Variants in QARS1 observed in about 807,000 individuals in gnomAD.
QARS1 encodes glutaminyl-tRNA synthetase 1, also known as glutamine--tRNA ligase.
A neutral mutation model predicts 106.9 loss-of-function variants in QARS1; 79 were observed. That is an observed-to-expected ratio of 0.74 (90% CI 0.62 to 0.89). QARS1 has a LOEUF of 0.89. QARS1 is among the 40% of genes least tolerant of loss of function. The pLI, the probability that QARS1 is intolerant of heterozygous loss-of-function variation, is 0.00. For missense variants in QARS1, 966 were observed against 997.2 expected, an observed-to-expected ratio of 0.97 and a Z score of 0.42; for synonymous variants, 395 against 367.7, an observed-to-expected ratio of 1.07 and a Z score of -0.85.
In QARS1 at chr3:49,104,730, C is replaced by T. The variant is rs1375795727; in HGVS notation, c.4G>A (p.Ala2Thr). The stretch of plus-strand genomic sequence containing the variant: ...AAGAGCGACAGGGAGTCTAGAGCCG[C>T]CATTGCAGAGACACCGGAAACTAAA... M[A>T]ALDSLSLFTS... The change falls in exon 1 of 24, where the codon GCG (alanine) becomes ACG (threonine). Residue 2 changes from alanine (A) to threonine (T), a missense_variant. Physicochemically the swap from Ala to Thr is moderately conservative, Grantham distance 58 (BLOSUM62 0). Transcript: ENST00000306125. 8 of 1,612,450 alleles carry T rather than the reference C, an allele frequency of 5.0e-6. No homozygotes were observed. The highest frequency in any genetic ancestry group is 5.9e-6 in the Non-Finnish European group (7 of 1,179,052).
intron 5 of QARS1, 93 bp from the exon 6 acceptor site, chr3:49,102,565 T>C: frequency 7.0e-7 from 1 of 1,420,130 alleles, no homozygotes; most frequent in South Asian, 1.2e-5. Flanking sequence ...CTTCCTGGCC[T>C]ATCTACCAGC....
chr3:49,103,795 G>A, intron 3 of QARS1, 68 bp downstream of exon 3: 1 of 1,597,214 alleles, frequency 6.3e-7, no homozygotes, highest in South Asian at 1.1e-5. Flanking sequence ...TTCCTGAGGA[G>A]GGAAACTGAG....
At chr3:49,102,613 T>G (rs1404831423) in intron 5 of QARS1, 141 bp from the exon 6 acceptor site, 13 of 824,338 alleles carry the variant, frequency 1.6e-5, no homozygotes, top group Non-Finnish European at 2.6e-5. Flanking sequence ...TCCCATCTCT[T>G]CTCATGTGGG....
At position 49,098,010 on chromosome 3, in the gene QARS1, T is replaced by C. The variant is rs2042413289; in HGVS notation, c.2259A>G (p.Pro753=). 1.9e-6 allele frequency: 3 copies of C among 1,614,230 alleles called. No individual in the cohort carries two copies. Among genetic ancestry groups the C allele is most frequent in the Non-Finnish European group, 2.5e-6 (3 of 1,180,040 alleles). The change falls in exon 23 of 24, where the codon CCA becomes CCG. Residue 753 remains proline, a synonymous_variant. Transcript: ENST00000306125. Reference sequence around the variant, plus strand: ...CAAGCACCTTTCCCTGATGGCTGTCTGGATCCACGGAGAAATATCCAAGAC... The same window carrying C: ...CAAGCACCTTTCCCTGATGGCTGTCCGGATCCACGGAGAAATATCCAAGAC... ...FERLGYFSVD[P]DSHQGKLVFN...
Position 49,098,014 on chromosome 3 carries a change from T to C in QARS1, c.2255A>G (p.Asp752Gly). 6.2e-7 allele frequency: 1 copy of C among 1,614,172 alleles called. No homozygotes were observed. The highest frequency in any genetic ancestry group is 8.5e-7 in the Non-Finnish European group (1 of 1,180,036). Residue 752 changes from aspartate (D) to glycine (G), a missense_variant, in exon 23 of 24, where the codon GAT (aspartate) becomes GGT (glycine). By Grantham distance (94) the Asp-to-Gly change is moderately conservative. Coordinates refer to ENST00000306125, the MANE Select transcript of QARS1 (RefSeq NM_005051.3). Reference sequence around the variant, plus strand: ...CACCTTTCCCTGATGGCTGTCTGGATCCACGGAGAAATATCCAAGACGCTC... The same window carrying C: ...CACCTTTCCCTGATGGCTGTCTGGACCCACGGAGAAATATCCAAGACGCTC... Reference protein sequence around the residue: ...QFERLGYFSVDPDSHQGKLVF... With the variant: ...QFERLGYFSVGPDSHQGKLVF...
At chr3:49,101,774 T>C in intron 8 of QARS1, 54 bp downstream of exon 8, 2 of 1,609,042 alleles carry the variant, frequency 1.2e-6, no homozygotes, top group Admixed American at 3.4e-5. Context: ...GGCCTGACTA[T>C]AGGAGCTGCT....
rs768808510 is a variant in QARS1 at position 49,103,587 on chromosome 3, A to T, written c.451+44T>A. On this transcript the variant is annotated intron_variant, in intron 4 of 23. Coordinates refer to ENST00000306125, the MANE Select transcript of QARS1 (RefSeq NM_005051.3). ...CTCACTCGTGCCCAGAAGAAAAGGC[A>T]TGACCAGAGAGAACAATATAGCCCC... The T allele has an allele frequency of 7.5e-6, 12 of 1,598,962 alleles. No individual in the cohort carries two copies. In the East Asian group the frequency reaches 2.7e-4, roughly 36 times the overall value.
chr3:49,099,185 C>G lies in QARS1; in HGVS notation c.1683G>C (p.Leu561=). ...CCATGGCTCGTGGGGCTGTGTCATT[C>G]AGCACATCACGCACACAGGCTTCTA... ...HLLEACVRDV[L]NDTAPRAMAV... Residue 561 remains leucine, a synonymous_variant, in exon 18 of 24, where the codon CTG becomes CTC. Coordinates refer to ENST00000306125, the MANE Select transcript of QARS1 (RefSeq NM_005051.3). The G allele has an allele frequency of 6.2e-7, 1 of 1,614,184 alleles. No individual in the cohort carries two copies. The highest frequency in any genetic ancestry group is 8.5e-7 in the Non-Finnish European group (1 of 1,180,030).
At chr3:49,097,876 A>G in intron 23 of QARS1, 116 bp downstream of exon 23, 1 of 1,417,898 alleles carries the variant, frequency 7.1e-7, no homozygotes, top group Admixed American at 2.0e-5. Flanking sequence ...GAATATGAAT[A>G]CCAACTCCCT....
In QARS1 at chr3:49,098,670, C is replaced by T. The variant is rs139730889; in HGVS notation, c.1886G>A (p.Arg629His). The change falls in exon 20 of 24, where the codon CGC becomes CAC. Residue 629 changes from arginine to histidine, a missense_variant. Transcript: ENST00000306125. ...GCCCACAGGCTGGCCCCAAGCCAGG[C>T]GCTTAAATCCTGGCTCTGGCTCCTA... Reference protein sequence around the residue: ...FKEEPEPGFKRLAWGQPVGLR... With the variant: ...FKEEPEPGFKHLAWGQPVGLR... 40 of 1,604,228 alleles carry T rather than the reference C, an allele frequency of 2.5e-5. No homozygotes were observed. In the African/African-American group the frequency reaches 2.6e-4, roughly 10 times the overall value.
In QARS1 at chr3:49,099,858, G is replaced by A. The variant is rs1204926386; in HGVS notation, c.1296-5C>T. 2 of 1,611,482 alleles carry A rather than the reference G, an allele frequency of 1.2e-6. No individual in the cohort carries two copies. Among genetic ancestry groups the A allele is most frequent in the African/African-American group, 2.7e-5 (2 of 74,018 alleles). ...TCGTAGGTGGGATAGATGCACCTGT[G>A]GGGCATAGGCAGTGGGCCCTACCAT... On this transcript the variant is annotated splice_region_variant and splice_polypyrimidine_tract_variant and intron_variant, in intron 14 of 23. Coordinates refer to ENST00000306125, the MANE Select transcript of QARS1 (RefSeq NM_005051.3).
chr3:49,096,195 G>T (rs2042388273), intron 23 of QARS1, 116 bp from the exon 24 acceptor site: 3 of 1,106,988 alleles, frequency 2.7e-6, no homozygotes, highest in Non-Finnish European at 3.9e-6. Flanking sequence ...AGAAGCCGAG[G>T]GACTAAGGGT....
chr3:49,100,624 CTTCTCAGGGT>C lies in QARS1; in HGVS notation c.917_926del (p.Asn306ArgfsTer14). On this transcript the variant is annotated frameshift_variant, in exon 11 of 24. Transcript: ENST00000306125. LOFTEE classifies it high-confidence loss of function. ...TGGCCGTGAAGAACTTTGCTTCCTC[CTTCTCAGGGT>C]TGGTGTCATCAAAACGCAGAAAACA... is the stretch of plus-strand genomic sequence containing the variant. The C allele has an allele frequency of 6.2e-7, 1 of 1,611,922 alleles. No individual in the cohort carries two copies. The highest frequency in any genetic ancestry group is 8.5e-7 in the Non-Finnish European group (1 of 1,177,932).
In QARS1 at chr3:49,103,421, G is replaced by A. The variant is rs943668343; in HGVS notation, c.452-12C>T. 2.6e-5 allele frequency: 42 copies of A among 1,613,934 alleles called. No homozygotes were observed. The highest frequency in any genetic ancestry group is 3.3e-5 in the Admixed American group (2 of 59,990). ...AGCCCGAGCCTCTCCTAGAAGCATA[G>A]GCACAAGGAGCTGCAGAAAGGCAAA... is the stretch of plus-strand genomic sequence containing the variant. On this transcript the variant is annotated splice_polypyrimidine_tract_variant and intron_variant, in intron 4 of 23. Coordinates refer to ENST00000306125, the MANE Select transcript of QARS1 (RefSeq NM_005051.3).
At chr3:49,097,933 C>T in intron 23 of QARS1, 59 bp downstream of exon 23, 1 of 1,606,822 alleles carries the variant, frequency 6.2e-7, no homozygotes, top group Non-Finnish European at 8.5e-7. Context: ...GCACTTGGCA[C>T]AATGAACGGC....
chr3:49,102,694 T>C, intron 5 of QARS1: 1 of 624,502 alleles, frequency 1.6e-6, no homozygotes, highest in Non-Finnish European at 3.0e-6. Flanking sequence ...CAGGCTGGAA[T>C]GCAATGGCAC....
intron 23 of QARS1, 142 bp downstream of exon 23, chr3:49,097,850 A>G: frequency 8.1e-7 from 1 of 1,230,624 alleles, no homozygotes; most frequent in Non-Finnish European, 1.1e-6. Context: ...CCTCAGTGCC[A>G]GTTTCCTCAC....
Position 49,104,442 on chromosome 3 carries a change from G to A in QARS1, c.147C>T (p.Asp49=). 3.1e-6 allele frequency: 5 copies of A among 1,614,166 alleles called. No individual in the cohort carries two copies. Among genetic ancestry groups the A allele is most frequent in the Non-Finnish European group, 4.2e-6 (5 of 1,180,044 alleles). Residue 49 remains aspartate (D), a synonymous_variant, in exon 2 of 24, where the codon GAC becomes GAT. Transcript: ENST00000306125. ...CATATAACAGGATCCCGGTAGCTTT[G>A]TCAATGGTGGAACCCAGGGTCTGCT... is the stretch of plus-strand genomic sequence containing the variant. ...QAQQTLGSTI[D]KATGILLYGL... is the part of the protein sequence containing the mutation.
At position 49,104,710 on chromosome 3, in the gene QARS1, C is replaced by A; in HGVS notation, c.24G>T (p.Ser8=). MAALDSL[S]LFTSLGLSEQ... ...CGCTCAGGCCGAGGCTAGTGAAGAG[C>A]GACAGGGAGTCTAGAGCCGCCATTG... is the stretch of plus-strand genomic sequence containing the variant. Residue 8 remains serine, a synonymous_variant, in exon 1 of 24, where the codon TCG becomes TCT. Coordinates refer to ENST00000306125, the MANE Select transcript of QARS1 (RefSeq NM_005051.3). 6.2e-7 allele frequency: 1 copy of A among 1,612,766 alleles called. No homozygotes were observed. Among genetic ancestry groups the A allele is most frequent in the Non-Finnish European group, 8.5e-7 (1 of 1,179,340 alleles).
Sources: gnomAD v4.1 joint callset for allele counts on GRCh38, gnomAD v4.1.1 for gene constraint, MANE v1.5 for transcripts, NCBI Gene and HGNC (gene_info 2026-07-23, HGNC 2026-07-21) for gene names.